Variants in PAX7 observed in about 807,000 individuals in gnomAD.
PAX7 encodes paired box protein Pax-7.
In PAX7, 18 loss-of-function variants were observed where a neutral mutation model predicts 50.7. That is an observed-to-expected ratio of 0.36 (90% CI 0.25 to 0.53). The LOEUF is 0.53. Among genes scored for constraint, PAX7 ranks in the 20% least tolerant of loss-of-function variants. PAX7 has a pLI of 0.93. For synonymous variants in PAX7, 310 were observed against 290.4 expected (o/e 1.07, Z -0.69); for missense variants, 644 against 702.9 (o/e 0.92, Z 0.95).
At chr1:18,644,050 A>G (rs1383403428) in intron 4 of PAX7, among the ~76,000 whole-genome samples, 1 of 152,242 alleles carries the variant, frequency 6.6e-6, no homozygotes, top group African/African-American at 2.4e-5. Context: ...CGCCCCTTCT[A>G]AGTTCTTGGG....
chr1:18,707,717 G>T (rs6692521), intron 7 of PAX7, among the ~76,000 whole-genome samples: 6 of 152,006 alleles, frequency 3.9e-5, no homozygotes, highest in Admixed American at 2.6e-4. Flanking sequence ...GAGCCACTGC[G>T]CCTGGCCTAG....
At position 18,634,564 on chromosome 1, in the gene PAX7, G is replaced by T. The variant is rs200534578; in HGVS notation, c.321+26G>T. Reference sequence around the variant, plus strand: ...GTGAGTGTCTTTGCCACAGAGGCTGGCAGCTGGCTTCCTATAGTCGGGGGC... The same window carrying T: ...GTGAGTGTCTTTGCCACAGAGGCTGTCAGCTGGCTTCCTATAGTCGGGGGC... On this transcript the variant is annotated intron_variant, in intron 2 of 8. Transcript: ENST00000420770. This position sits in a 1 kb window ranked among gnomAD's most constrained non-coding sequence, Gnocchi z 4.0. 472 of 1,601,866 alleles carry T rather than the reference G, an allele frequency of 2.9e-4. 3 individuals are homozygous for T. The highest frequency in any genetic ancestry group is 4.7e-4 in the Admixed American group (28 of 59,906).
intron 7 of PAX7, among the ~76,000 whole-genome samples, chr1:18,710,993 C>T (rs1445700011): frequency 6.6e-6 from 1 of 152,222 alleles, no homozygotes; most frequent in Non-Finnish European, 1.5e-5. Context: ...CCCCGCCCAG[C>T]CCTTCCTTCT....
At chr1:18,680,201 T>C (rs543726083) in intron 4 of PAX7, among the ~76,000 whole-genome samples, 1 of 152,274 alleles carries the variant, frequency 6.6e-6, no homozygotes, top group East Asian at 1.9e-4. Context: ...CCCCTGGAGC[T>C]GCATCAGTAC....
At chr1:18,685,765 G>A (rs758698543) in intron 4 of PAX7, among the ~76,000 whole-genome samples, 3 of 152,238 alleles carry the variant, frequency 2.0e-5, no homozygotes, top group South Asian at 4.1e-4. Context: ...CCTTGCTGGC[G>A]TGGCTGAGGC....
rs543128366 is a variant in PAX7 at position 18,694,148 on chromosome 1, A to G, written c.786+2195A>G. On this transcript the variant is annotated intron_variant, in intron 5 of 8. Coordinates refer to ENST00000420770, the MANE Select transcript of PAX7 (RefSeq NM_001135254.2). Reference sequence around the variant, plus strand: ...TGAGAGCTTTCTCAGAGAAGAGGGAACAAAAAACGTTTGAGTTTTTAAAGA... The same window carrying G: ...TGAGAGCTTTCTCAGAGAAGAGGGAGCAAAAAACGTTTGAGTTTTTAAAGA... 9.8e-4 allele frequency among the ~76,000 whole-genome samples: 150 copies of G among 152,318 alleles called. 1 individual carries two copies. Among genetic ancestry groups the G allele is most frequent in the African/African-American group, 3.4e-3 (143 of 41,578 alleles).
rs548792431 is a variant in PAX7, at chr1:18,737,603, C to T, written c.1402+1725C>T. Among the ~76,000 whole-genome samples the T allele has an allele frequency of 1.8e-4, 28 of 152,314 alleles. No homozygotes were observed. The East Asian group carries it at 1.9e-3, about 11-fold the overall frequency. On this transcript the variant is annotated intron_variant, in intron 8 of 8. Coordinates refer to ENST00000420770, the MANE Select transcript of PAX7 (RefSeq NM_001135254.2). Reference sequence around the variant, plus strand: ...TATTGCATGCATCTTTGCATATGCGCGAATACATGTATGTGTCAGTGGGCA... The same window carrying T: ...TATTGCATGCATCTTTGCATATGCGTGAATACATGTATGTGTCAGTGGGCA...
At position 18,634,783 on chromosome 1, in the gene PAX7, G is replaced by C. The variant is rs1193267493; in HGVS notation, c.321+245G>C. ...CCATTCCTGGACTGTCCCCACATTT[G>C]CCTCAACCCCTGTCACCTTCCAAGA... On this transcript the variant is annotated intron_variant, in intron 2 of 8. Coordinates refer to ENST00000420770, the MANE Select transcript of PAX7 (RefSeq NM_001135254.2). This position sits in a 1 kb window ranked among gnomAD's most constrained non-coding sequence, Gnocchi z 4.0. Among the ~76,000 whole-genome samples the C allele has an allele frequency of 1.3e-5, 2 of 152,208 alleles. No homozygotes were observed. Among genetic ancestry groups the C allele is most frequent in the Admixed American group, 6.5e-5 (1 of 15,276 alleles).
intron 4 of PAX7, among the ~76,000 whole-genome samples, chr1:18,675,051 C>T (rs1432973849): frequency 6.6e-6 from 1 of 152,136 alleles, no homozygotes; most frequent in Non-Finnish European, 1.5e-5. Context: ...GTCTGCCCCA[C>T]CTGGGTTTGG....
Position 18,634,245 on chromosome 1 carries a change from C to G in PAX7, c.86-58C>G, listed in dbSNP as rs1342923905. The G allele has an allele frequency of 2.2e-6, 3 of 1,385,434 alleles. No individual in the cohort carries two copies. Among genetic ancestry groups the G allele is most frequent in the African/African-American group, 1.4e-5 (1 of 70,240 alleles). The allele number at this position is 1,385,434 out of a possible 1,614,324, so 85.8% of individuals were successfully genotyped here. A position where few individuals can be genotyped will look rare whatever the true frequency, so the allele number is the denominator to read the frequency against. On this transcript the variant is annotated intron_variant, in intron 1 of 8. Coordinates refer to ENST00000420770, the MANE Select transcript of PAX7 (RefSeq NM_001135254.2). The surrounding 1 kb of genome is among the most constrained non-coding windows in gnomAD (Gnocchi z 4.0). ...TGGAGTCAGGGAGTGTACTCAGTGT[C>G]TGCTCTCCATCCTCACCCTGCACCT...
At chr1:18,725,017 T>C (rs937816965) in intron 7 of PAX7, among the ~76,000 whole-genome samples, 1 of 152,186 alleles carries the variant, frequency 6.6e-6, no homozygotes, top group Admixed American at 6.5e-5. Context: ...GGGCACATAG[T>C]AGGTGCTTAA....
intron 8 of PAX7, among the ~76,000 whole-genome samples, chr1:18,741,717 C>T (rs1012921488): frequency 2.0e-5 from 3 of 152,218 alleles, no homozygotes; most frequent in African/African-American, 7.2e-5. Flanking sequence ...GCTGTGACTC[C>T]GGGAAAGTGT....
At chr1:18,662,719 C>G (rs904682703) in intron 4 of PAX7, among the ~76,000 whole-genome samples, 1 of 152,008 alleles carries the variant, frequency 6.6e-6, no homozygotes, top group Non-Finnish European at 1.5e-5. Flanking sequence ...TACAGGGACA[C>G]GCCATCATGC....
intron 4 of PAX7, among the ~76,000 whole-genome samples, chr1:18,661,425 T>C (rs969640410): frequency 1.8e-4 from 28 of 152,212 alleles, no homozygotes; most frequent in Non-Finnish European, 1.3e-4. Flanking sequence ...GGATTAGACT[T>C]TAATCCTCCT....
intron 7 of PAX7, among the ~76,000 whole-genome samples, chr1:18,708,095 C>T (rs1423075888): frequency 6.6e-6 from 1 of 152,118 alleles, no homozygotes; most frequent in Non-Finnish European, 1.5e-5. Flanking sequence ...TGGCTTTGTG[C>T]ACTGGGTCCT....
chr1:18,640,962 G>A (rs988776844), intron 4 of PAX7, among the ~76,000 whole-genome samples: 1 of 152,208 alleles, frequency 6.6e-6, no homozygotes, highest in Non-Finnish European at 1.5e-5. Context: ...GGCTGACAAG[G>A]CTCCCCTTTT....
At position 18,632,357 on chromosome 1, in the gene PAX7, GA is replaced by G. The variant is rs1316167996; in HGVS notation, c.85+670del. Among the ~76,000 whole-genome samples the G allele has an allele frequency of 6.6e-6, 1 of 152,242 alleles. No individual in the cohort carries two copies. The highest frequency in any genetic ancestry group is 1.5e-5 in the Non-Finnish European group (1 of 68,044). On this transcript the variant is annotated intron_variant, in intron 1 of 8. Coordinates refer to ENST00000420770, the MANE Select transcript of PAX7 (RefSeq NM_001135254.2). The surrounding 1 kb of genome is among the most constrained non-coding windows in gnomAD (Gnocchi z 6.3). ...GGTTTAGAGAACCTCTAAACGGCGA[GA>G]GGGGCACGGCAATGTCCAAACGAGA...
intron 4 of PAX7, among the ~76,000 whole-genome samples, chr1:18,671,313 T>C (rs752670687): frequency 1.4e-4 from 21 of 152,192 alleles, no homozygotes; most frequent in Non-Finnish European, 2.9e-4. Context: ...AATTTTCCAG[T>C]GTGCAGGCCC....
chr1:18,730,870 T>C (rs893782892), intron 7 of PAX7, among the ~76,000 whole-genome samples: 1 of 129,720 alleles, frequency 7.7e-6, no homozygotes, highest in Non-Finnish European at 1.6e-5. Context: ...TGGTCGAGGC[T>C]GGGACTGATT....
Sources: gnomAD v4.1 joint callset for allele counts (sites outside exome capture counted in the v4.1 genomes callset) on GRCh38, gnomAD v4.1.1 for gene constraint, Gnocchi (gnomAD v3.1) non-coding constraint, MANE v1.5 for transcripts, NCBI Gene and HGNC (gene_info 2026-07-23, HGNC 2026-07-21) for gene names.